The following GALK2 variants were observed in gnomAD, a reference collection of about 807,000 sequenced individuals.
GALK2 encodes N-acetylgalactosamine kinase.
A neutral mutation model predicts 52.4 loss-of-function variants in GALK2; 36 were observed. The observed-to-expected ratio is 0.69, with a 90% CI of 0.53 to 0.91. The LOEUF is 0.91. Ranked by LOEUF, GALK2 falls within the 40% of genes least tolerant of loss-of-function variation. The pLI, the probability that GALK2 is intolerant of heterozygous loss-of-function variation, is 0.00. For synonymous variants in GALK2, 176 were observed against 199.1 expected, an observed-to-expected ratio of 0.88 and a Z score of 0.98; for missense variants, 579 against 559.1, an observed-to-expected ratio of 1.04 and a Z score of -0.36.
At chr15:49,197,679 A>G (rs184555814) in intron 1 of GALK2, among the ~76,000 whole-genome samples, 3 of 152,268 alleles carry the variant, frequency 2.0e-5, no homozygotes, top group African/African-American at 7.2e-5. Context: ...AAAAGCTTCA[A>G]ATTTTGGAAT....
chr15:49,265,140 A>C (rs1029916247), intron 5 of GALK2, among the ~76,000 whole-genome samples: 6 of 152,186 alleles, frequency 3.9e-5, no homozygotes, highest in Admixed American at 2.0e-4. Flanking sequence ...TGCAGAGGTT[A>C]CTGCTGTCTT....
intron 4 of GALK2, among the ~76,000 whole-genome samples, chr15:49,236,644 T>G (rs2090823809): frequency 6.6e-6 from 1 of 152,244 alleles, no homozygotes; most frequent in Non-Finnish European, 1.5e-5. Flanking sequence ...ATTTGCTGTT[T>G]TTAGAGCCAC....
At chr15:49,300,590 G>A (rs948821202) in intron 8 of GALK2, among the ~76,000 whole-genome samples, 1 of 151,990 alleles carries the variant, frequency 6.6e-6, no homozygotes, top group Non-Finnish European at 1.5e-5. Flanking sequence ...CCATAATCCC[G>A]ACATGTCATG....
At chr15:49,256,509 T>C (rs1031002493) in intron 5 of GALK2, among the ~76,000 whole-genome samples, 3 of 152,178 alleles carry the variant, frequency 2.0e-5, no homozygotes, top group Admixed American at 6.6e-5. Flanking sequence ...AGTTAGCACA[T>C]TGGAAGCAAG....
chr15:49,324,032 T>C (rs2037121705), intron 9 of GALK2, among the ~76,000 whole-genome samples: 1 of 152,214 alleles, frequency 6.6e-6, no homozygotes, highest in Non-Finnish European at 1.5e-5. Context: ...ACAAAACAAT[T>C]TTGAAACCAA....
chr15:49,178,563 C>T (rs553204972), intron 1 of GALK2: 64 of 244,298 alleles, frequency 2.6e-4, no homozygotes, highest in African/African-American at 1.4e-3. Context: ...CTATATATAA[C>T]GTAAACTTGC....
intron 5 of GALK2, among the ~76,000 whole-genome samples, chr15:49,262,883 G>A (rs1212189041): frequency 7.0e-6 from 1 of 143,044 alleles, no homozygotes; most frequent in African/African-American, 2.7e-5. Flanking sequence ...GCAGTTTTGA[G>A]TGAGATTCTT....
intron 9 of GALK2, among the ~76,000 whole-genome samples, chr15:49,324,376 T>C (rs563955484): frequency 8.9e-6 from 1 of 112,960 alleles, no homozygotes; most frequent in East Asian, 2.5e-4. Flanking sequence ...CCCATGACCT[T>C]AAGTGCTAAC....
intron 8 of GALK2, among the ~76,000 whole-genome samples, chr15:49,299,771 CTTTCTTTCTTT>C (rs2034916633): frequency 8.0e-6 from 1 of 124,844 alleles, no homozygotes; most frequent in African/African-American, 3.2e-5. Context: ...TTCTTTCTTT[CTTTCTTTCTTT>C]CTTTCTTTCT....
downstream of GALK2, chr15:49,335,372 TA>T (rs757621528): frequency 1.6e-6 from 2 of 1,283,050 alleles, no homozygotes; most frequent in Non-Finnish European, 2.2e-6. Context: ...TTTCCAGTTC[TA>T]AAAAAGTATT....
chr15:49,264,621 T>C (rs980554131), intron 5 of GALK2, among the ~76,000 whole-genome samples: 22 of 152,338 alleles, frequency 1.4e-4, no homozygotes, highest in Non-Finnish European at 2.9e-4. Flanking sequence ...GGTGAGGAAC[T>C]GCGTTCCTTT....
At chr15:49,234,767 A>G (rs1458345862) in intron 3 of GALK2, among the ~76,000 whole-genome samples, 2 of 151,688 alleles carry the variant, frequency 1.3e-5, no homozygotes, top group East Asian at 3.9e-4. Flanking sequence ...ACCATATCAG[A>G]TACTTTTTTT....
chr15:49,349,357 T>A (rs1190790055), intron 3 of GALK2, among the ~76,000 whole-genome samples: 1 of 152,146 alleles, frequency 6.6e-6, no homozygotes, highest in Non-Finnish European at 1.5e-5. Context: ...GCAGAGTTTA[T>A]AAAAGGAATA....
chr15:49,258,996 G>T (rs8030129), intron 5 of GALK2, among the ~76,000 whole-genome samples: 72 of 149,554 alleles, frequency 4.8e-4, no homozygotes, highest in African/African-American at 1.7e-3. Context: ...TGATGGGGTT[G>T]TTTTTTTCTT....
Position 49,165,203 on chromosome 15 carries a change from A to G in GALK2, c.20+9187A>G, listed in dbSNP as rs201828361. 4.6e-5 allele frequency among the ~76,000 whole-genome samples: 7 copies of G among 152,228 alleles called. No individual in the cohort carries two copies. In the East Asian group the frequency reaches 1.2e-3, roughly 25 times the overall value. ...GGAGGTGACAGGTAATAAGTATAAA[A>G]ATCAATAAATAATGTAATTTCAGAT... On this transcript the variant is annotated intron_variant, in intron 1 of 9. Coordinates refer to the GALK2 transcript ENST00000327171.
At chr15:49,189,947 A>G (rs1301038972) in intron 1 of GALK2, among the ~76,000 whole-genome samples, 2 of 152,158 alleles carry the variant, frequency 1.3e-5, no homozygotes, top group Non-Finnish European at 2.9e-5. Context: ...GTGGACTGCT[A>G]TATTTTTTCG....
intron 3 of GALK2, among the ~76,000 whole-genome samples, chr15:49,221,970 T>C (rs2089827911): frequency 1.3e-5 from 2 of 152,150 alleles, no homozygotes; most frequent in African/African-American, 2.4e-5. Context: ...AGGGATTGCA[T>C]TGAATTTGTA....
intron 3 of GALK2, among the ~76,000 whole-genome samples, chr15:49,342,245 G>C (rs556606627): frequency 6.6e-6 from 1 of 152,204 alleles, no homozygotes; most frequent in African/African-American, 2.4e-5. Flanking sequence ...GGATAGTTAA[G>C]TTTCCTGGTT....
chr15:49,345,544 A>G (rs1213855863), intron 3 of GALK2, among the ~76,000 whole-genome samples: 1 of 152,250 alleles, frequency 6.6e-6, no homozygotes, highest in Non-Finnish European at 1.5e-5. Flanking sequence ...GACCATATAC[A>G]TTATGAACAA....
Sources: gnomAD v4.1 joint callset for allele counts (sites outside exome capture counted in the v4.1 genomes callset) on GRCh38, gnomAD v4.1.1 for gene constraint, MANE v1.5 for transcripts, NCBI Gene and HGNC (gene_info 2026-07-23, HGNC 2026-07-21) for gene names.